TAFA5: variants seen among roughly 807,000 people sequenced by gnomAD.
TAFA5 encodes the protein chemokine-like protein TAFA-5.
Under a neutral mutation model 15.3 loss-of-function variants are expected in TAFA5, and 6 were observed. The ratio of observed to expected loss-of-function variants is 0.39; its 90% CI spans 0.21 to 0.77. TAFA5 has a LOEUF of 0.77. Ranked by LOEUF, TAFA5 falls within the 30% of genes least tolerant of loss-of-function variation. The probability of loss-of-function intolerance (pLI) is 0.41; values close to 1 mark genes in which losing one functional copy is unlikely to be tolerated. For missense variants in TAFA5, 161 were observed against 193.1 expected (o/e 0.83, Z 0.98); for synonymous variants, 103 against 80.7 (o/e 1.28, Z -1.48).
chr22:48,507,372 A>G (rs2147099319), intron 1 of TAFA5, among the ~76,000 whole-genome samples: 1 of 152,246 alleles, frequency 6.6e-6, no homozygotes, highest in South Asian at 2.1e-4. Context: ...GGAGGGCATG[A>G]GTTGAAGCCC....
intron 2 of TAFA5, among the ~76,000 whole-genome samples, chr22:48,691,154 G>A (rs148417879): frequency 0.017 from 2,516 of 152,252 alleles, 65 homozygotes; most frequent in African/African-American, 0.057. Flanking sequence ...GCGGCCCGGG[G>A]ACCATTGGTG....
intron 2 of TAFA5, among the ~76,000 whole-genome samples, chr22:48,691,643 C>A (rs1928545305): frequency 6.6e-6 from 1 of 152,236 alleles, no homozygotes; most frequent in Admixed American, 6.5e-5. Flanking sequence ...GGCGCTCAGT[C>A]CTGCCATAAT....
At chr22:48,600,856 G>A (rs982272433) in intron 1 of TAFA5, among the ~76,000 whole-genome samples, 1 of 152,156 alleles carries the variant, frequency 6.6e-6, no homozygotes, top group African/African-American at 2.4e-5. Context: ...GGCGGTTACC[G>A]GATTGACTGT....
chr22:48,633,818 G>A (rs563239295), intron 1 of TAFA5, among the ~76,000 whole-genome samples: 11 of 152,326 alleles, frequency 7.2e-5, no homozygotes, highest in East Asian at 3.9e-4. Flanking sequence ...AAGCCAGAAC[G>A]TGGAAACGGT....
intron 1 of TAFA5, among the ~76,000 whole-genome samples, chr22:48,570,455 G>A (rs1923544918): frequency 6.6e-6 from 1 of 152,208 alleles, no homozygotes; most frequent in African/African-American, 2.4e-5. Flanking sequence ...CCTTCTTCCT[G>A]GCATCCAGGC....
intron 1 of TAFA5, among the ~76,000 whole-genome samples, chr22:48,562,147 T>A (rs1041635115): frequency 2.0e-5 from 3 of 152,182 alleles, no homozygotes; most frequent in Non-Finnish European, 4.4e-5. Context: ...TTTTCTTTTT[T>A]TCTTTTTTGA....
At chr22:48,658,371 C>G (rs985770492) in intron 2 of TAFA5, among the ~76,000 whole-genome samples, 1 of 152,244 alleles carries the variant, frequency 6.6e-6, no homozygotes, top group Admixed American at 6.5e-5. Flanking sequence ...TTGTCCATGG[C>G]AGACGCCAGA....
chr22:48,559,850 G>A (rs1031351792), intron 1 of TAFA5, among the ~76,000 whole-genome samples: 7 of 152,172 alleles, frequency 4.6e-5, no homozygotes, highest in African/African-American at 1.4e-4. Context: ...CCACAGGCCC[G>A]GGTCTTCATC....
intron 1 of TAFA5, among the ~76,000 whole-genome samples, chr22:48,577,191 T>G (rs972107012): frequency 1.6e-4 from 25 of 152,342 alleles, no homozygotes; most frequent in African/African-American, 5.3e-4. Flanking sequence ...AGTCTGGGAC[T>G]ATTGAGGCGC....
chr22:48,580,784 G>A (rs1924008556), intron 1 of TAFA5, among the ~76,000 whole-genome samples: 1 of 152,226 alleles, frequency 6.6e-6, no homozygotes, highest in Non-Finnish European at 1.5e-5. Context: ...CGAGCTTGGA[G>A]CTGGCTGCTC....
intron 3 of TAFA5, among the ~76,000 whole-genome samples, chr22:48,723,501 C>T (rs1248761542): frequency 3.9e-5 from 6 of 152,132 alleles, no homozygotes; most frequent in African/African-American, 1.2e-4. Context: ...ATATAAATCT[C>T]AGGCTCCATA....
intron 1 of TAFA5, among the ~76,000 whole-genome samples, chr22:48,541,905 A>G (rs1922387641): frequency 1.3e-5 from 2 of 152,198 alleles, no homozygotes; most frequent in African/African-American, 2.4e-5. Flanking sequence ...TGGGGGCCAC[A>G]GATACCCCAG....
chr22:48,514,478 A>G (rs575896520), intron 1 of TAFA5, among the ~76,000 whole-genome samples: 4 of 152,258 alleles, frequency 2.6e-5, no homozygotes, highest in Admixed American at 2.0e-4. Context: ...GACAGCCAAC[A>G]TGGGGTTAAT....
At chr22:48,513,764 G>T (rs1035742392) in intron 1 of TAFA5, among the ~76,000 whole-genome samples, 2 of 152,170 alleles carry the variant, frequency 1.3e-5, no homozygotes, top group African/African-American at 4.8e-5. Context: ...GGCCACTTTG[G>T]TCTCCTCGGT....
chr22:48,643,776 C>T (rs1926767457), intron 1 of TAFA5, among the ~76,000 whole-genome samples: 1 of 152,194 alleles, frequency 6.6e-6, no homozygotes, highest in African/African-American at 2.4e-5. Context: ...GGGCCCTGCC[C>T]CAAGGAGGCA....
At chr22:48,502,371 C>G (rs1481564766) in intron 1 of TAFA5, among the ~76,000 whole-genome samples, 1 of 151,466 alleles carries the variant, frequency 6.6e-6, no homozygotes, top group Non-Finnish European at 1.5e-5. Context: ...CTAAAGCATG[C>G]CTGGGGCCCG....
At chr22:48,667,028 CAG>C (rs1347864212) in intron 2 of TAFA5, among the ~76,000 whole-genome samples, 5 of 152,156 alleles carry the variant, frequency 3.3e-5, no homozygotes, top group African/African-American at 9.7e-5. Flanking sequence ...GAAGCCCAAA[CAG>C]GGACAGCCTG....
chr22:48,599,975 C>T lies in TAFA5; in HGVS notation c.113-46622C>T, dbSNP rs116575910. Among the ~76,000 whole-genome samples the T allele has an allele frequency of 1.4e-3, 207 of 152,278 alleles. No homozygotes were observed. The Middle Eastern group carries it at 0.014, about 10-fold the overall frequency. On this transcript the variant is annotated intron_variant, in intron 1 of 3. Coordinates refer to ENST00000402357, the MANE Select transcript of TAFA5 (RefSeq NM_001082967.3). ...CCTGCCTCGATTCCCTCTTGGCCTG[C>T]GGTGAGTGTTTGCAGCTCTCCCCCC... is the stretch of plus-strand genomic sequence containing the variant.
At chr22:48,585,498 C>G (rs1924316643) in intron 1 of TAFA5, among the ~76,000 whole-genome samples, 1 of 150,822 alleles carries the variant, frequency 6.6e-6, no homozygotes, top group African/African-American at 2.4e-5. Context: ...AAATACACCA[C>G]ATACACCATA....
Sources: allele counts gnomAD v4.1 joint callset (sites outside exome capture counted in the v4.1 genomes callset), GRCh38; gene constraint gnomAD v4.1.1; transcripts MANE v1.5; gene names NCBI Gene and HGNC (gene_info 2026-07-23, HGNC 2026-07-21).